MYO7B: variants seen among roughly 807,000 people sequenced by gnomAD.
MYO7B encodes unconventional myosin-VIIb.
In MYO7B, 212 loss-of-function variants were observed where a neutral mutation model predicts 259.7. The ratio of observed to expected loss-of-function variants is 0.82; its 90% CI spans 0.73 to 0.91. The LOEUF (loss-of-function observed/expected upper bound fraction) is 0.91, where lower values mean the gene tolerates loss of function less well. Ranked by LOEUF, MYO7B falls within the 40% of genes least tolerant of loss-of-function variation. MYO7B has a pLI of 0.00. For synonymous variants in MYO7B, 1,197 were observed against 1,166.4 expected, an observed-to-expected ratio of 1.03 and a Z score of -0.54; for missense variants, 2,732 against 2,813.5, an observed-to-expected ratio of 0.97 and a Z score of 0.66.
At chr2:127,564,064 G>A in intron 2 of MYO7B, 89 bp from the exon 3 acceptor site, 1 of 932,702 alleles carries the variant, frequency 1.1e-6, no homozygotes, top group African/African-American at 1.6e-5. Flanking sequence ...CTCTGGGCTG[G>A]AAGGCATAGC....
chr2:127,609,014 C>CA lies in MYO7B; in HGVS notation c.2814+136_2814+137insA. On this transcript the variant is annotated intron_variant, in intron 22 of 47. Coordinates refer to ENST00000409816, the MANE Select transcript of MYO7B (RefSeq NM_001393586.1). The surrounding 1 kb of genome is among the most constrained non-coding windows in gnomAD (Gnocchi z 6.9). ...AGTGTGTGCTGCAGCCCTGCTGGTC[C>CA]CACACGGAAGAGGGGAGCGTGCGTG... 1 of 1,216,362 alleles carries CA rather than the reference C, an allele frequency of 8.2e-7. No homozygotes were observed. The highest frequency in any genetic ancestry group is 1.1e-6 in the Non-Finnish European group (1 of 882,260). 75.3% of individuals were successfully genotyped at this position (1,216,362 alleles called of 1,614,324 possible). A position where few individuals can be genotyped will look rare whatever the true frequency, so the allele number is the denominator to read the frequency against.
rs890200451 is a variant in MYO7B at position 127,619,446 on chromosome 2, G to T, written c.3399-894G>T. On this transcript the variant is annotated intron_variant, in intron 26 of 47. Transcript: ENST00000409816. ...TTGGATTGGAGGAATGAAGGGATGGGAGGGCTCCAGGATGACCCCCAGATT... is the reference window on the plus strand; with the variant it reads ...TTGGATTGGAGGAATGAAGGGATGGTAGGGCTCCAGGATGACCCCCAGATT... 2.6e-5 allele frequency among the ~76,000 whole-genome samples: 4 copies of T among 152,104 alleles called. No homozygotes were observed. The South Asian group carries it at 8.3e-4, about 32-fold the overall frequency.
At chr2:127,581,761 G>C (rs1315416507) in intron 10 of MYO7B, 130 bp from the exon 11 acceptor site, 1 of 1,318,274 alleles carries the variant, frequency 7.6e-7, no homozygotes, top group African/African-American at 1.5e-5. Context: ...CCTGGCCTCG[G>C]GCAGCGCCCA....
Position 127,607,441 on chromosome 2 carries a change from C to T in MYO7B, c.2643+17C>T, listed in dbSNP as rs768652248. 6.5e-7 allele frequency: 1 copy of T among 1,549,192 alleles called. No homozygotes were observed. Among genetic ancestry groups the T allele is most frequent in the Non-Finnish European group, 8.7e-7 (1 of 1,146,034 alleles). On this transcript the variant is annotated intron_variant, in intron 21 of 47. Coordinates refer to ENST00000409816, the MANE Select transcript of MYO7B (RefSeq NM_001393586.1). This position sits in a 1 kb window ranked among gnomAD's most constrained non-coding sequence, Gnocchi z 4.4. Reference sequence around the variant, plus strand: ...AAGGCCAATGTAGGTGGTCACCTGGCCTCTTGGGCAGGTGGGGCTGGCTGG... The same window carrying T: ...AAGGCCAATGTAGGTGGTCACCTGGTCTCTTGGGCAGGTGGGGCTGGCTGG...
rs193119059 is a variant in MYO7B, at chr2:127,590,755, G to A, written c.1992+526G>A. 2.6e-3 allele frequency among the ~76,000 whole-genome samples: 391 copies of A among 152,310 alleles called. 2 individuals carry two copies. Among genetic ancestry groups the A allele is most frequent in the African/African-American group, 9.0e-3 (373 of 41,574 alleles). On this transcript the variant is annotated intron_variant, in intron 16 of 47. Coordinates refer to ENST00000409816, the MANE Select transcript of MYO7B (RefSeq NM_001393586.1). The surrounding 1 kb of genome is among the most constrained non-coding windows in gnomAD (Gnocchi z 4.6). ...AACGGAGTCCCTGCTCCATTGGGTG[G>A]GGAGTCCCACCCAGAGGCCGCATAT... is the stretch of plus-strand genomic sequence containing the variant.
At chr2:127,582,061 C>T (rs1679124122) in intron 11 of MYO7B, 51 bp downstream of exon 11, 1 of 1,609,856 alleles carries the variant, frequency 6.2e-7, no homozygotes, top group Non-Finnish European at 8.5e-7. Context: ...GACCACGGCT[C>T]TGCTTCTTGC....
chr2:127,622,020 C>T lies in MYO7B; in HGVS notation c.3564C>T (p.Tyr1188=), dbSNP rs923957639. ...LNFIGQGPAT[Y]GPFCAERLRR... Reference sequence around the variant, plus strand: ...TCATCGGCCAAGGGCCGGCGACCTACGGCCCCTTCTGTGCCGAGCGCCTGA... The same window carrying T: ...TCATCGGCCAAGGGCCGGCGACCTATGGCCCCTTCTGTGCCGAGCGCCTGA... Residue 1188 remains tyrosine (Y), a synonymous_variant, in exon 28 of 48, where the codon TAC becomes TAT. Coordinates refer to ENST00000409816, the MANE Select transcript of MYO7B (RefSeq NM_001393586.1). 1.6e-5 allele frequency: 25 copies of T among 1,551,818 alleles called. No individual in the cohort carries two copies. Among genetic ancestry groups the T allele is most frequent in the Middle Eastern group, 1.7e-4 (1 of 5,992 alleles).
rs1238765149 is a variant in MYO7B at position 127,582,289 on chromosome 2, C to T, written c.1201-15C>T. 6 of 1,611,918 alleles carry T rather than the reference C, an allele frequency of 3.7e-6. No individual in the cohort carries two copies. The highest frequency in any genetic ancestry group is 4.2e-6 in the Non-Finnish European group (5 of 1,179,200). On this transcript the variant is annotated splice_polypyrimidine_tract_variant and intron_variant, in intron 11 of 47. Transcript: ENST00000409816. ...CCTCCAAGCCCAGGATTCTCCCACC[C>T]CCGTGTCTCTCCAGGGCATCTATGG...
Position 127,584,765 on chromosome 2 carries a change from T to C in MYO7B, c.1555-13T>C. The C allele has an allele frequency of 6.2e-7, 1 of 1,613,582 alleles. No individual in the cohort carries two copies. Among genetic ancestry groups the C allele is most frequent in the Non-Finnish European group, 8.5e-7 (1 of 1,179,652 alleles). On this transcript the variant is annotated splice_polypyrimidine_tract_variant and intron_variant, in intron 13 of 47. Transcript: ENST00000409816. The surrounding 1 kb of genome is among the most constrained non-coding windows in gnomAD (Gnocchi z 5.8). Reference sequence around the variant, plus strand: ...CTGGGACCTCAGCCCACAGGGTGTCTGGGTTCTTCCAGGGGACAGATCTCA... The same window carrying C: ...CTGGGACCTCAGCCCACAGGGTGTCCGGGTTCTTCCAGGGGACAGATCTCA...
In MYO7B at chr2:127,607,631, C is replaced by T. The variant is rs1680208680; in HGVS notation, c.2643+207C>T. The stretch of plus-strand genomic sequence containing the variant: ...AGGACACAAGATGCAAATTAGCAGG[C>T]ACCTGGGCTGAGATGTAGCTATCAC... On this transcript the variant is annotated intron_variant, in intron 21 of 47. Coordinates refer to ENST00000409816, the MANE Select transcript of MYO7B (RefSeq NM_001393586.1). This position sits in a 1 kb window ranked among gnomAD's most constrained non-coding sequence, Gnocchi z 4.4. 6.6e-6 allele frequency among the ~76,000 whole-genome samples: 1 copy of T among 152,012 alleles called. No homozygotes were observed. The highest frequency in any genetic ancestry group is 1.5e-5 in the Non-Finnish European group (1 of 68,016).
chr2:127,578,459 G>A (rs1033598272), intron 9 of MYO7B, among the ~76,000 whole-genome samples, 173 bp downstream of exon 9: 2 of 152,162 alleles, frequency 1.3e-5, no homozygotes, highest in African/African-American at 4.8e-5. Context: ...AGGCAAAGGG[G>A]AAAATGTCAA....
chr2:127,587,317 G>A (rs1190089371), intron 14 of MYO7B, among the ~76,000 whole-genome samples: 2 of 152,130 alleles, frequency 1.3e-5, no homozygotes, highest in East Asian at 1.9e-4. Flanking sequence ...CTTCTCACCC[G>A]CTGGAGCCAT....
chr2:127,557,799 G>A lies in MYO7B; in HGVS notation c.-23-1901G>A, dbSNP rs545522401. Among the ~76,000 whole-genome samples, 203 of 152,310 alleles carry A rather than the reference G, an allele frequency of 1.3e-3. 1 individual carries two copies. The highest frequency in any genetic ancestry group is 2.1e-3 in the Non-Finnish European group (144 of 68,034). On this transcript the variant is annotated intron_variant, in intron 1 of 47. Transcript: ENST00000409816. ...GATAATTGAAAAGCCACATGTAGGA[G>A]AGTGAAACTGAATCCTCATCTCTCA...
intron 26 of MYO7B, among the ~76,000 whole-genome samples, chr2:127,618,523 G>A (rs1404612963): frequency 2.0e-5 from 3 of 152,210 alleles, no homozygotes; most frequent in African/African-American, 7.2e-5. Flanking sequence ...TGCCTGGGTC[G>A]TGACTGCCCT....
rs538000886 is a variant in MYO7B at position 127,611,625 on chromosome 2, C to G, written c.3193-625C>G. Among the ~76,000 whole-genome samples the G allele has an allele frequency of 2.6e-5, 4 of 152,320 alleles. No homozygotes were observed. The highest frequency in any genetic ancestry group is 9.6e-5 in the African/African-American group (4 of 41,588). Reference sequence around the variant, plus strand: ...CGCACCCAGGAGCTGGTGCCTGGCCCTGGACCAGGCTGACCCCCACCCAAG... The same window carrying G: ...CGCACCCAGGAGCTGGTGCCTGGCCGTGGACCAGGCTGACCCCCACCCAAG... On this transcript the variant is annotated intron_variant, in intron 24 of 47. Transcript: ENST00000409816. This position sits in a 1 kb window ranked among gnomAD's most constrained non-coding sequence, Gnocchi z 5.4.
intron 1 of MYO7B, among the ~76,000 whole-genome samples, chr2:127,543,150 A>C (rs1693075925): frequency 6.6e-6 from 1 of 152,132 alleles, no homozygotes; most frequent in Admixed American, 6.5e-5. Context: ...GGGGATGATC[A>C]GGTCTTTCCC....
chr2:127,624,079 G>T lies in MYO7B; in HGVS notation c.3820-14G>T. 6.5e-7 allele frequency: 1 copy of T among 1,547,970 alleles called. No homozygotes were observed. Among genetic ancestry groups the T allele is most frequent in the Non-Finnish European group, 8.7e-7 (1 of 1,145,068 alleles). ...CAACAGCCGCTAACCCCTGCTCCCCGACTCTGGCCTCAGTTCTGGTCCCTG... is the reference window on the plus strand; with the variant it reads ...CAACAGCCGCTAACCCCTGCTCCCCTACTCTGGCCTCAGTTCTGGTCCCTG... On this transcript the variant is annotated splice_polypyrimidine_tract_variant and intron_variant, in intron 29 of 47. Coordinates refer to ENST00000409816, the MANE Select transcript of MYO7B (RefSeq NM_001393586.1).
chr2:127,637,344 CAT>C lies in MYO7B; in HGVS notation c.6359_6360del (p.Tyr2120CysfsTer104). 6.3e-7 allele frequency: 1 copy of C among 1,594,598 alleles called. No homozygotes were observed. Among genetic ancestry groups the C allele is most frequent in the Non-Finnish European group, 8.5e-7 (1 of 1,170,740 alleles). ...TATAAGATGGATGACCTGCTGACCT[CAT>C]ATGTGCAGCAGCTCCTGAGTGCCAT... On this transcript the variant is annotated frameshift_variant, in exon 48 of 48. Coordinates refer to ENST00000409816, the MANE Select transcript of MYO7B (RefSeq NM_001393586.1). LOFTEE classifies it low-confidence loss of function (END_TRUNC).
In MYO7B at chr2:127,628,387, GCA is replaced by G; in HGVS notation, c.4477_4478del (p.Gln1493GlufsTer9). The G allele has an allele frequency of 1.2e-6, 2 of 1,600,720 alleles. No individual in the cohort carries two copies. The highest frequency in any genetic ancestry group is 1.7e-6 in the Non-Finnish European group (2 of 1,175,828). The part of the protein sequence containing the change: ...LATNREAQGG[Q>X]RLLLSTMHEE... ...TCATCTCCAGGGAGGCCCAGGGCGG[GCA>G]GAGGCTGCTGCTCTCCACGATGCAT... is the stretch of plus-strand genomic sequence containing the variant. On this transcript the variant is annotated frameshift_variant, in exon 34 of 48. Coordinates refer to ENST00000409816, the MANE Select transcript of MYO7B (RefSeq NM_001393586.1). LOFTEE classifies it high-confidence loss of function. The surrounding 1 kb of genome is among the most constrained non-coding windows in gnomAD (Gnocchi z 4.8).
Sources: gnomAD v4.1 joint callset for allele counts (sites outside exome capture counted in the v4.1 genomes callset) on GRCh38, gnomAD v4.1.1 for gene constraint, Gnocchi (gnomAD v3.1) non-coding constraint, MANE v1.5 for transcripts, NCBI Gene and HGNC (gene_info 2026-07-23, HGNC 2026-07-21) for gene names.